Variants in KDM4B observed in about 807,000 individuals in gnomAD.
KDM4B encodes lysine demethylase 4B, also known as lysine-specific demethylase 4B.
In KDM4B, 32 loss-of-function variants were observed where a neutral mutation model predicts 125.2. The observed-to-expected ratio is 0.26, with a 90% CI of 0.19 to 0.34. KDM4B has a LOEUF of 0.34. Ranked by LOEUF, KDM4B falls within the 10% of genes least tolerant of loss-of-function variation. The pLI, the probability that KDM4B is intolerant of heterozygous loss-of-function variation, is 1.00. For missense variants in KDM4B, 1,190 were observed against 1,577.7 expected (o/e 0.75, Z 4.16); for synonymous variants, 721 against 677.9 (o/e 1.06, Z -0.99).
chr19:5,151,414 C>A lies in KDM4B; in HGVS notation c.3194C>A (p.Thr1065Asn). ...GCCGCCAAGCGCCCGCGTGTGGGCA[C>A]CCCGCTTGCCACGGAGGACTCCGGG... is the stretch of plus-strand genomic sequence containing the variant. ...AKAAKRPRVG[T>N]PLATEDSGRS... Residue 1065 changes from threonine to asparagine, a missense_variant, in exon 23 of 23, where the codon ACC becomes AAC. This residue lies in a region of KDM4B where 109 missense variants were observed against 93.8 expected (regional missense o/e 1.16). Transcript: ENST00000159111. 1 of 1,576,758 alleles carries A rather than the reference C, an allele frequency of 6.3e-7. No homozygotes were observed. Among genetic ancestry groups the A allele is most frequent in the Non-Finnish European group, 8.6e-7 (1 of 1,164,218 alleles).
chr19:5,135,893 G>A (rs544910611), intron 15 of KDM4B, among the ~76,000 whole-genome samples: 22 of 152,314 alleles, frequency 1.4e-4, no homozygotes, highest in African/African-American at 3.8e-4. Flanking sequence ...CTGGCCTCTG[G>A]TGCCAGCCTC....
chr19:5,131,770 G>C (rs2039560875), intron 12 of KDM4B, 117 bp from the exon 13 acceptor site: 20 of 1,306,986 alleles, frequency 1.5e-5, no homozygotes, highest in Non-Finnish European at 1.9e-5. Flanking sequence ...TGCTGGGACA[G>C]TCACCCCAGG....
intron 18 of KDM4B, chr19:5,140,183 G>A (rs2039716242): frequency 3.3e-5 from 5 of 152,608 alleles, no homozygotes; most frequent in Admixed American, 3.3e-4. Flanking sequence ...CAGGCCCCCA[G>A]TGTCACCTAC....
chr19:5,131,958 C>G lies in KDM4B; in HGVS notation c.1857C>G (p.Pro619=). The G allele has an allele frequency of 6.2e-7, 1 of 1,612,086 alleles. No homozygotes were observed. The highest frequency in any genetic ancestry group is 2.2e-5 in the East Asian group (1 of 44,856). The part of the protein sequence containing the change: ...KSRRHPLGRP[P]TRSPLSVVKQ... ...GGCGCCATCCCCTGGGCCGGCCGCC[C>G]ACCCGGTCCCCACTGTCGGTGGTGA... The change falls in exon 13 of 23, where the codon CCC becomes CCG. Residue 619 remains proline, a synonymous_variant. Transcript: ENST00000159111.
chr19:5,087,018 G>A (rs907893596), intron 9 of KDM4B, among the ~76,000 whole-genome samples: 2 of 152,230 alleles, frequency 1.3e-5, no homozygotes, highest in African/African-American at 4.8e-5. Flanking sequence ...AGGGCCCTGC[G>A]CGCACACACA....
chr19:5,043,183 C>T (rs982275082), intron 5 of KDM4B, among the ~76,000 whole-genome samples: 5 of 150,544 alleles, frequency 3.3e-5, no homozygotes, highest in Admixed American at 2.0e-4. Context: ...CCACCTTATC[C>T]CGCGTGGTGT....
chr19:5,027,030 C>G (rs1473207611), intron 2 of KDM4B, among the ~76,000 whole-genome samples: 2 of 152,204 alleles, frequency 1.3e-5, no homozygotes, highest in African/African-American at 4.8e-5. Context: ...CTCCTTTGGC[C>G]CAGCTGAGGC....
chr19:5,138,415 C>G (rs911215268), intron 18 of KDM4B: 3 of 275,100 alleles, frequency 1.1e-5, no homozygotes, highest in Non-Finnish European at 2.1e-5. Flanking sequence ...CCCGACACAA[C>G]CGGGCTGTCT....
intron 11 of KDM4B, among the ~76,000 whole-genome samples, chr19:5,129,262 G>C (rs1568314902): frequency 6.6e-6 from 1 of 152,166 alleles, no homozygotes; most frequent in Non-Finnish European, 1.5e-5. Flanking sequence ...AGTGTGTGGG[G>C]CAGTGTGGCT....
intron 9 of KDM4B, 119 bp from the exon 10 acceptor site, chr19:5,110,503 C>T (rs2039118958): frequency 1.0e-5 from 9 of 888,966 alleles, no homozygotes. Flanking sequence ...GCGGAATGCT[C>T]AGCGGTGGGA....
chr19:4,978,506 CAAAAAAAAAAAAAAAA>C (rs58304162), intron 1 of KDM4B, among the ~76,000 whole-genome samples: 444 of 36,454 alleles, frequency 0.012, 8 homozygotes, highest in Admixed American at 0.02. Flanking sequence ...GACTCTGTCT[CAAAAAAAAAAAAAAAA>C]AAAAAAAAAA....
chr19:5,041,126 T>G lies in KDM4B; in HGVS notation c.318-11T>G. 1.3e-6 allele frequency: 2 copies of G among 1,588,430 alleles called. No individual in the cohort carries two copies. The highest frequency in any genetic ancestry group is 2.2e-5 in the South Asian group (2 of 90,398). ...TCACCCTGAGCTGGTTTTGGGGTGT[T>G]TGTTCACCAGGTACTGTACCCCGCG... On this transcript the variant is annotated splice_polypyrimidine_tract_variant and intron_variant, in intron 4 of 22. Coordinates refer to ENST00000159111, the MANE Select transcript of KDM4B (RefSeq NM_015015.3).
chr19:5,072,247 G>A (rs2037972322), intron 7 of KDM4B, among the ~76,000 whole-genome samples: 2 of 152,298 alleles, frequency 1.3e-5, no homozygotes, highest in African/African-American at 4.8e-5. Flanking sequence ...AGGGAAATAA[G>A]GGTCTCCTGT....
intron 2 of KDM4B, among the ~76,000 whole-genome samples, chr19:5,030,468 G>C (rs1428838247): frequency 6.6e-6 from 1 of 152,210 alleles, no homozygotes; most frequent in Non-Finnish European, 1.5e-5. Flanking sequence ...CTGCAGAGGG[G>C]GGTGGGCCAG....
intron 10 of KDM4B, among the ~76,000 whole-genome samples, chr19:5,117,628 C>A (rs949446630): frequency 1.3e-5 from 2 of 152,176 alleles, no homozygotes; most frequent in Admixed American, 6.5e-5. Context: ...CCTAGTGGAG[C>A]CTGAGGCTGC....
chr19:5,138,393 C>T lies in KDM4B; in HGVS notation c.2550+323C>T. On this transcript the variant is annotated intron_variant, in intron 18 of 22. Coordinates refer to ENST00000159111, the MANE Select transcript of KDM4B (RefSeq NM_015015.3). ...TTCCACCTTCCCACAAAAGCAGAGG[C>T]ACCGCACGTGCCCCGACACAACCGG... 1.5e-5 allele frequency: 5 copies of T among 343,988 alleles called. No homozygotes were observed. In the South Asian group the frequency reaches 1.9e-4, roughly 13 times the overall value. 21.3% of individuals were successfully genotyped at this position (343,988 alleles called of 1,614,324 possible).
Position 5,139,673 on chromosome 19 carries a change from C to T in KDM4B, c.2550+1603C>T, listed in dbSNP as rs541305668. Among the ~76,000 whole-genome samples the T allele has an allele frequency of 1.5e-4, 23 of 152,320 alleles. No individual in the cohort carries two copies. The South Asian group carries it at 4.6e-3, about 30-fold the overall frequency. ...TTTGTGTTCTCCTGGCGGTCAGTGA[C>T]GCTGGGCATCTTTGCACAGTCCTGT... On this transcript the variant is annotated intron_variant, in intron 18 of 22. Transcript: ENST00000159111.
chr19:5,030,141 C>G (rs1599452893), intron 2 of KDM4B, among the ~76,000 whole-genome samples: 1 of 152,192 alleles, frequency 6.6e-6, no homozygotes, highest in Non-Finnish European at 1.5e-5. Context: ...GACAGGATCA[C>G]TGTCACCCAG....
Position 5,109,197 on chromosome 19 carries a change from C to G in KDM4B, c.919-1425C>G, listed in dbSNP as rs544948611. Among the ~76,000 whole-genome samples, 8 of 152,312 alleles carry G rather than the reference C, an allele frequency of 5.3e-5. No individual in the cohort carries two copies. The East Asian group carries it at 1.5e-3, about 29-fold the overall frequency. On this transcript the variant is annotated intron_variant, in intron 9 of 22. Transcript: ENST00000159111. ...CAGTTGGCCAGCCCTGCCCTTTCCC[C>G]CTTCCTCTTGAGGTTGGGGTTTTTC...
Sources: allele counts gnomAD v4.1 joint callset (sites outside exome capture counted in the v4.1 genomes callset), GRCh38; gene constraint gnomAD v4.1.1; regional missense constraint gnomAD v4.1.1; transcripts MANE v1.5; gene names NCBI Gene and HGNC (gene_info 2026-07-23, HGNC 2026-07-21).